Variants in CLNK observed in about 807,000 individuals in gnomAD.
CLNK encodes cytokine dependent hematopoietic cell linker.
CLNK carries 74 observed loss-of-function variants against 68.6 expected under a neutral mutation model. The ratio of observed to expected loss-of-function variants is 1.08; its 90% CI spans 0.89 to 1.31. CLNK has a LOEUF of 1.31. Ranked by LOEUF, CLNK falls within the 50% of genes most tolerant of loss-of-function variation. The pLI, the probability that CLNK is intolerant of heterozygous loss-of-function variation, is 0.00. For synonymous variants in CLNK, 198 were observed against 172.2 expected, an observed-to-expected ratio of 1.15 and a Z score of -1.17; for missense variants, 553 against 515.3, an observed-to-expected ratio of 1.07 and a Z score of -0.71.
chr4:10,722,388 T>C, the CLNK span, among the ~76,000 whole-genome samples: 4,422 of 152,262 alleles, frequency 0.029, 88 homozygotes, highest in African/African-American at 0.039. Flanking sequence ...CATCTCCCGC[T>C]AGCTCAGCTG....
chr4:10,619,736 A>G (rs1488078862), intron 2 of CLNK, among the ~76,000 whole-genome samples: 1 of 152,230 alleles, frequency 6.6e-6, no homozygotes, highest in Non-Finnish European at 1.5e-5. Context: ...GGCGGTCAGC[A>G]TGGTGTGCTA....
At chr4:10,565,807 G>A (rs956448320) in intron 6 of CLNK, among the ~76,000 whole-genome samples, 7 of 151,992 alleles carry the variant, frequency 4.6e-5, no homozygotes, top group African/African-American at 1.7e-4. Context: ...GAGCCCTCTG[G>A]GTCAACTTCT....
chr4:10,630,289 G>T (rs942585773), intron 2 of CLNK, among the ~76,000 whole-genome samples: 1 of 152,134 alleles, frequency 6.6e-6, no homozygotes, highest in Non-Finnish European at 1.5e-5. Context: ...ACTATGACAC[G>T]CATTTGTACC....
At chr4:10,560,903 C>T (rs1719860492) in intron 7 of CLNK, among the ~76,000 whole-genome samples, 1 of 151,132 alleles carries the variant, frequency 6.6e-6, no homozygotes, top group Non-Finnish European at 1.5e-5. Flanking sequence ...TCCCCCACCT[C>T]TTTTTTTTTC....
chr4:10,582,090 GA>G (rs1720804846), intron 4 of CLNK, among the ~76,000 whole-genome samples: 1 of 152,102 alleles, frequency 6.6e-6, no homozygotes, highest in Admixed American at 6.5e-5. Context: ...GTTAATCCTT[GA>G]GTTTACCAAT....
intron 2 of CLNK, among the ~76,000 whole-genome samples, chr4:10,665,557 G>A (rs897266932): frequency 4.0e-5 from 6 of 151,554 alleles, no homozygotes; most frequent in Admixed American, 6.6e-5. Flanking sequence ...CCAGCTACTC[G>A]GGAGTCTGAG....
At chr4:10,547,856 G>A (rs76543423) in intron 8 of CLNK, among the ~76,000 whole-genome samples, 5,644 of 152,132 alleles carry the variant, frequency 0.037, 220 homozygotes, top group African/African-American at 0.096. Context: ...ACTCCATTGT[G>A]TGTATATACC....
At chr4:10,561,833 G>A (rs549641563) in intron 7 of CLNK, among the ~76,000 whole-genome samples, 65 of 151,834 alleles carry the variant, frequency 4.3e-4, no homozygotes, top group Non-Finnish European at 8.0e-4. Context: ...AGATGAACTG[G>A]GGAAAGACTC....
intron 2 of CLNK, among the ~76,000 whole-genome samples, chr4:10,631,055 C>T (rs61796793): frequency 0.027 from 4,164 of 152,212 alleles, 88 homozygotes; most frequent in Non-Finnish European, 0.043. Flanking sequence ...TGCTGCTTTA[C>T]GGAATCAGCA....
At chr4:10,585,629 A>G (rs2108837348) in intron 3 of CLNK, among the ~76,000 whole-genome samples, 1 of 152,216 alleles carries the variant, frequency 6.6e-6, no homozygotes, top group East Asian at 1.9e-4. Flanking sequence ...TTTAAATTTC[A>G]TTCAGCTGAA....
chr4:10,533,045 C>T (rs2094754781), intron 11 of CLNK, among the ~76,000 whole-genome samples: 1 of 152,114 alleles, frequency 6.6e-6, no homozygotes, highest in South Asian at 2.1e-4. Context: ...ATCACTTGAG[C>T]TCAGGAGTTC....
the CLNK span, among the ~76,000 whole-genome samples, chr4:10,733,048 A>G: frequency 6.6e-6 from 1 of 152,340 alleles, no homozygotes; most frequent in Non-Finnish European, 1.5e-5. Flanking sequence ...TTCAATGTAG[A>G]GGGAAAATAA....
chr4:10,714,194 C>G, the CLNK span, among the ~76,000 whole-genome samples: 34 of 152,270 alleles, frequency 2.2e-4, no homozygotes, highest in Non-Finnish European at 8.8e-5. Flanking sequence ...GGCTGAGACT[C>G]AAAATCAGGT....
At chr4:10,601,428 G>C (rs1721588039) in intron 2 of CLNK, among the ~76,000 whole-genome samples, 1 of 152,216 alleles carries the variant, frequency 6.6e-6, no homozygotes, top group Non-Finnish European at 1.5e-5. Context: ...GTTAAAGCCT[G>C]TTTGAAAATT....
At chr4:10,660,162 T>C (rs183552481) in intron 2 of CLNK, among the ~76,000 whole-genome samples, 7 of 152,346 alleles carry the variant, frequency 4.6e-5, no homozygotes, top group African/African-American at 1.4e-4. Flanking sequence ...CCTAGGATGA[T>C]TGTTTTTCCT....
At chr4:10,576,569 C>T (rs1245274548) in intron 4 of CLNK, among the ~76,000 whole-genome samples, 1 of 152,206 alleles carries the variant, frequency 6.6e-6, no homozygotes, top group African/African-American at 2.4e-5. Flanking sequence ...TACTCCAGCC[C>T]TGTGGCTGTC....
chr4:10,564,240 A>T (rs142905612), intron 7 of CLNK, among the ~76,000 whole-genome samples: 114 of 151,962 alleles, frequency 7.5e-4, no homozygotes, highest in African/African-American at 2.6e-3. Context: ...CCTCTTTGGT[A>T]GATAAAGTTA....
intron 2 of CLNK, among the ~76,000 whole-genome samples, chr4:10,637,635 C>A (rs913291510): frequency 5.0e-5 from 6 of 121,200 alleles, no homozygotes; most frequent in South Asian, 2.8e-4. Context: ...CACTCTCTTG[C>A]CGAGGCTGGA....
At chr4:10,660,720 G>A (rs972682532) in intron 2 of CLNK, among the ~76,000 whole-genome samples, 1 of 152,140 alleles carries the variant, frequency 6.6e-6, no homozygotes, top group African/African-American at 2.4e-5. Flanking sequence ...TTGCCAGTAA[G>A]AGAGAGAGAA....
Sources: allele counts gnomAD v4.1 joint callset (sites outside exome capture counted in the v4.1 genomes callset), GRCh38; gene constraint gnomAD v4.1.1; transcripts MANE v1.5; gene names NCBI Gene and HGNC (gene_info 2026-07-23, HGNC 2026-07-21).